Variants in CPNE4 observed in about 807,000 individuals in gnomAD.
The protein encoded by CPNE4 is copine 4.
Under a neutral mutation model 67.9 loss-of-function variants are expected in CPNE4, and 25 were observed. That is an observed-to-expected ratio of 0.37 (90% CI 0.27 to 0.51). The LOEUF (loss-of-function observed/expected upper bound fraction) is 0.51. Ranked by LOEUF, CPNE4 falls within the 20% of genes least tolerant of loss-of-function variation. The pLI, the probability that CPNE4 is intolerant of heterozygous loss-of-function variation, is 0.93. For missense variants in CPNE4, 464 were observed against 690.8 expected (o/e 0.67, Z 3.68); for synonymous variants, 242 against 244.9 (o/e 0.99, Z 0.11).
At chr3:131,994,341 A>C (rs1441640565) in intron 1 of CPNE4, among the ~76,000 whole-genome samples, 1 of 135,688 alleles carries the variant, frequency 7.4e-6, no homozygotes. Context: ...AAGAGAAATA[A>C]AAGATAACCC....
chr3:131,792,671 A>G (rs13094176), intron 2 of CPNE4, among the ~76,000 whole-genome samples: 8,513 of 39,920 alleles, frequency 0.21, 1,089 homozygotes, highest in East Asian at 0.35. Flanking sequence ...GTGTATATAT[A>G]CATATATACA....
intron 2 of CPNE4, among the ~76,000 whole-genome samples, chr3:131,740,539 T>C (rs1021461194): frequency 6.6e-6 from 1 of 152,154 alleles, no homozygotes; most frequent in African/African-American, 2.4e-5. Flanking sequence ...AATCCTGTTG[T>C]CTTACCTTTA....
intron 2 of CPNE4, among the ~76,000 whole-genome samples, chr3:131,875,670 C>G (rs1312559344): frequency 6.8e-6 from 1 of 147,900 alleles, no homozygotes; most frequent in Non-Finnish European, 1.5e-5. Flanking sequence ...ATCACACACC[C>G]AGGCCTGTCC....
At chr3:131,664,752 G>A (rs925469102) in intron 7 of CPNE4, among the ~76,000 whole-genome samples, 1 of 152,146 alleles carries the variant, frequency 6.6e-6, no homozygotes, top group African/African-American at 2.4e-5. Flanking sequence ...ACCTCACAAT[G>A]TGGTTAGAAG....
At chr3:131,754,983 A>G (rs1010535540) in intron 2 of CPNE4, among the ~76,000 whole-genome samples, 1 of 152,114 alleles carries the variant, frequency 6.6e-6, no homozygotes, top group Non-Finnish European at 1.5e-5. Flanking sequence ...TGGAACAGGA[A>G]ATGAGGGTGG....
At chr3:131,636,569 T>C (rs1377716095) in intron 7 of CPNE4, among the ~76,000 whole-genome samples, 1 of 152,156 alleles carries the variant, frequency 6.6e-6, no homozygotes, top group East Asian at 1.9e-4. Flanking sequence ...CTGTGGTAGC[T>C]GAAGACAAAG....
intron 2 of CPNE4, among the ~76,000 whole-genome samples, chr3:131,869,506 G>A (rs1482345433): frequency 6.6e-6 from 1 of 152,150 alleles, no homozygotes; most frequent in Non-Finnish European, 1.5e-5. Context: ...AGAGATGGCT[G>A]AAGCCCATTA....
intron 6 of CPNE4, among the ~76,000 whole-genome samples, chr3:131,679,000 T>C (rs2080659597): frequency 2.0e-5 from 3 of 152,186 alleles, no homozygotes. Context: ...TCAGTAGTAA[T>C]GGTACCAACT....
At chr3:131,737,154 C>T (rs374903229) in intron 2 of CPNE4, among the ~76,000 whole-genome samples, 92 of 77,180 alleles carry the variant, frequency 1.2e-3, no homozygotes, top group African/African-American at 3.7e-3. Flanking sequence ...GAGGGAGTCT[C>T]GCTCTGTCAC....
chr3:132,021,493 A>C (rs1383565440), intron 1 of CPNE4, among the ~76,000 whole-genome samples: 1 of 152,222 alleles, frequency 6.6e-6, no homozygotes, highest in Non-Finnish European at 1.5e-5. Context: ...TCTATCAGGA[A>C]TCAGATAGTA....
At chr3:131,750,463 A>G (rs1427073976) in intron 2 of CPNE4, among the ~76,000 whole-genome samples, 2 of 151,976 alleles carry the variant, frequency 1.3e-5, no homozygotes, top group Non-Finnish European at 2.9e-5. Context: ...AGTGCATCTC[A>G]TTGAGTATTA....
At chr3:132,013,536 T>G (rs947394909) in intron 1 of CPNE4, among the ~76,000 whole-genome samples, 9 of 152,196 alleles carry the variant, frequency 5.9e-5, no homozygotes, top group Non-Finnish European at 1.3e-4. Flanking sequence ...AAGGTCAACT[T>G]TTTTTCATAA....
At chr3:131,677,968 G>A (rs1452270761) in intron 6 of CPNE4, among the ~76,000 whole-genome samples, 1 of 152,124 alleles carries the variant, frequency 6.6e-6, no homozygotes, top group Non-Finnish European at 1.5e-5. Flanking sequence ...GTTCTGTGAA[G>A]AATGTCAGTG....
chr3:131,835,963 G>A (rs1160181878), intron 2 of CPNE4, among the ~76,000 whole-genome samples: 34 of 152,142 alleles, frequency 2.2e-4, no homozygotes, highest in Admixed American at 2.0e-3. Flanking sequence ...AGAGAGGTAG[G>A]AAAGGAATCT....
At chr3:131,718,678 C>A (rs1167197494) in intron 3 of CPNE4, among the ~76,000 whole-genome samples, 2 of 152,174 alleles carry the variant, frequency 1.3e-5, no homozygotes, top group Non-Finnish European at 2.9e-5. Context: ...ATTCACATTT[C>A]TATTGTAGTG....
intron 13 of CPNE4, among the ~76,000 whole-genome samples, chr3:131,551,213 A>G (rs1457067434): frequency 1.3e-5 from 2 of 152,056 alleles, no homozygotes; most frequent in African/African-American, 2.4e-5. Context: ...GCCCTTACAT[A>G]CATGCTCCCA....
intron 1 of CPNE4, among the ~76,000 whole-genome samples, chr3:131,941,299 A>G (rs376114615): frequency 6.6e-6 from 1 of 152,096 alleles, no homozygotes; most frequent in Non-Finnish European, 1.5e-5. Context: ...TTTTACTATT[A>G]TCTATGCTAA....
chr3:132,014,563 T>C (rs1034559169), intron 1 of CPNE4, among the ~76,000 whole-genome samples: 3 of 152,236 alleles, frequency 2.0e-5, no homozygotes, highest in African/African-American at 7.2e-5. Flanking sequence ...TTTTTCTTTC[T>C]TTTTCCGTTA....
intron 7 of CPNE4, among the ~76,000 whole-genome samples, chr3:131,631,253 C>G (rs1266954075): frequency 1.3e-5 from 2 of 152,132 alleles, no homozygotes; most frequent in Non-Finnish European, 2.9e-5. Flanking sequence ...AGTTGAAATT[C>G]CAGAGTAAAA....
Sources: gnomAD v4.1 joint callset for allele counts (sites outside exome capture counted in the v4.1 genomes callset) on GRCh38, gnomAD v4.1.1 for gene constraint, MANE v1.5 for transcripts, NCBI Gene and HGNC (gene_info 2026-07-23, HGNC 2026-07-21) for gene names.